MTAP: variants seen among roughly 807,000 people sequenced by gnomAD.
The protein encoded by MTAP is methylthioadenosine phosphorylase.
In MTAP, 33 loss-of-function variants were observed where a neutral mutation model predicts 33.6. The observed-to-expected ratio is 0.98, with a 90% CI of 0.74 to 1.31. The LOEUF is 1.31. MTAP is among the 40% of genes most tolerant of loss of function. MTAP has a pLI of 0.00. For synonymous variants in MTAP, 148 were observed against 125.7 expected, an observed-to-expected ratio of 1.18 and a Z score of -1.19; for missense variants, 367 against 360.0, an observed-to-expected ratio of 1.02 and a Z score of -0.16.
At chr9:21,932,643 A>G (rs564665261), downstream of MTAP, 1 of 151,666 alleles carries the variant, frequency 6.6e-6, no homozygotes, top group East Asian at 1.9e-4. Context: ...AATTAGCAGC[A>G]AGGACTTATT....
intron 1 of MTAP, among the ~76,000 whole-genome samples, chr9:21,881,156 G>T (rs778586196): frequency 4.3e-4 from 66 of 151,884 alleles, no homozygotes; most frequent in Non-Finnish European, 1.3e-4. Flanking sequence ...CACTCAACAG[G>T]CAAAAGACAG....
Position 21,893,735 on chromosome 9 carries a change from TC to T in MTAP, c.148-37271del, listed in dbSNP as rs1200968914. The T allele has an allele frequency of 5.3e-5, 8 of 151,864 alleles. No individual in the cohort carries two copies. In the East Asian group the frequency reaches 1.5e-3, roughly 29 times the overall value. The allele number at this position is 151,864 out of a possible 1,614,324, so 9.4% of individuals were successfully genotyped here. On this transcript the variant is annotated intron_variant, in intron 1 of 1. Coordinates refer to the MTAP transcript ENST00000577563. Reference sequence around the variant, plus strand: ...AACCCTGAACAGACCATTAATGAGTTCCAAAATTGAATCAGTAACAAAAACC... The same window carrying T: ...AACCCTGAACAGACCATTAATGAGTTCAAAATTGAATCAGTAACAAAAACC...
intron 1 of MTAP, among the ~76,000 whole-genome samples, chr9:21,918,733 GT>G (rs1818736043): frequency 6.6e-6 from 1 of 152,110 alleles, no homozygotes; most frequent in Non-Finnish European, 1.5e-5. Flanking sequence ...AGATCTGATG[GT>G]TTTATAAAGG....
In MTAP at chr9:21,862,158, C is replaced by G; in HGVS notation, c.*144C>G. ...AGAGTATGTTGTAAGAAAGACAAGA[C>G]ATTGTGTGTATTAGAGACTCCTGAA... On this transcript the variant is annotated 3_prime_UTR_variant, in exon 8 of 8. Transcript: ENST00000644715. The G allele has an allele frequency of 6.6e-7, 1 of 1,504,000 alleles. No homozygotes were observed. Among genetic ancestry groups the G allele is most frequent in the Non-Finnish European group, 8.8e-7 (1 of 1,130,160 alleles). The allele number at this position is 1,504,000 out of a possible 1,614,324, so 93.2% of individuals were successfully genotyped here.
intron 1 of MTAP, among the ~76,000 whole-genome samples, chr9:21,882,656 G>T (rs1818033837): frequency 6.6e-6 from 1 of 151,940 alleles, no homozygotes; most frequent in Admixed American, 6.6e-5. Context: ...CGTTTTATAT[G>T]CAATAATCAG....
chr9:21,840,761 A>G (rs6475588), intron 5 of MTAP, among the ~76,000 whole-genome samples: 36,530 of 152,108 alleles, frequency 0.24, 6,601 homozygotes, highest in African/African-American at 0.51. Context: ...GCAGAGTCCA[A>G]GGGACTAATG....
chr9:21,893,139 A>C (rs1047358593), intron 1 of MTAP: 7 of 152,296 alleles, frequency 4.6e-5, no homozygotes, highest in Non-Finnish European at 5.9e-5. Flanking sequence ...TAAGAGGAAA[A>C]TGTACAGTGC....
At chr9:21,834,677 C>T (rs886845854) in intron 4 of MTAP, among the ~76,000 whole-genome samples, 1 of 152,194 alleles carries the variant, frequency 6.6e-6, no homozygotes. Flanking sequence ...CATGTGAGGA[C>T]TCATGTGAAG....
At chr9:21,879,233 T>G (rs2118687255) in intron 1 of MTAP, among the ~76,000 whole-genome samples, 1 of 152,320 alleles carries the variant, frequency 6.6e-6, no homozygotes, top group South Asian at 2.1e-4. Flanking sequence ...ATCTAGGTGC[T>G]CCTGTGTTGG....
chr9:21,822,701 C>T (rs537163834), intron 4 of MTAP, among the ~76,000 whole-genome samples: 66 of 152,162 alleles, frequency 4.3e-4, no homozygotes, highest in African/African-American at 1.4e-3. Flanking sequence ...CTTTCTGTCT[C>T]GTTGATCTGT....
At chr9:21,927,296 C>T (rs549128937) in intron 1 of MTAP, among the ~76,000 whole-genome samples, 1 of 152,294 alleles carries the variant, frequency 6.6e-6, no homozygotes, top group South Asian at 2.1e-4. Flanking sequence ...GCTGCAGCAG[C>T]CCTTTTACCC....
At chr9:21,858,552 A>C (rs1373722551) in intron 6 of MTAP, among the ~76,000 whole-genome samples, 1 of 152,166 alleles carries the variant, frequency 6.6e-6, no homozygotes, top group East Asian at 1.9e-4. Context: ...GGTGCTGTAC[A>C]CTTTTAAACA....
chr9:21,802,995 C>CACACACACACACAT, intron 1 of MTAP: 1 of 697,912 alleles, frequency 1.4e-6, no homozygotes, highest in Non-Finnish European at 2.0e-6. Flanking sequence ...AACACACACA[C>CACACACACACACAT]ACACACACAC....
rs372472076 is a variant in MTAP at position 21,854,901 on chromosome 9, G to A, written c.690+31G>A. The A allele has an allele frequency of 2.0e-5, 33 of 1,610,786 alleles. No individual in the cohort carries two copies. The African/African-American group carries it at 3.7e-4, about 18-fold the overall frequency. ...TGGAATTCTTTTCTAAGCACATATAGCATGGGTTTCTGGGTGCCAATAGGG... is the reference window on the plus strand; with the variant it reads ...TGGAATTCTTTTCTAAGCACATATAACATGGGTTTCTGGGTGCCAATAGGG... On this transcript the variant is annotated intron_variant, in intron 6 of 7. Transcript: ENST00000644715.
rs754847337 is a variant in MTAP, at chr9:21,865,577, A to G, written c.*3563A>G. On this transcript the variant is annotated 3_prime_UTR_variant, in exon 8 of 8. Coordinates refer to ENST00000644715, the MANE Select transcript of MTAP (RefSeq NM_002451.4). ...GAAGAACCTGTGTTCTCCTCATAAT[A>G]GTATAGAATAATTCAAGATAGGCAA... is the stretch of plus-strand genomic sequence containing the variant. 9.1e-6 allele frequency: 9 copies of G among 985,920 alleles called. No individual in the cohort carries two copies. Among genetic ancestry groups the G allele is most frequent in the Non-Finnish European group, 1.1e-5 (9 of 829,986 alleles). The allele number at this position is 985,920 out of a possible 1,614,324, so 61.1% of individuals were successfully genotyped here.
At chr9:21,816,679 C>T in intron 2 of MTAP, 35 bp from the exon 3 acceptor site, 2 of 1,585,308 alleles carry the variant, frequency 1.3e-6, no homozygotes, top group East Asian at 2.2e-5. Context: ...GTTTTTAAAT[C>T]ACTGAGTTAA....
At chr9:21,903,230 A>T (rs1818420496) in intron 1 of MTAP, among the ~76,000 whole-genome samples, 1 of 152,172 alleles carries the variant, frequency 6.6e-6, no homozygotes, top group Non-Finnish European at 1.5e-5. Flanking sequence ...GCTGCCAGTG[A>T]GTCTGGGGGA....
chr9:21,818,190 A>C lies in MTAP; in HGVS notation c.335A>C (p.Gln112Pro). The C allele has an allele frequency of 6.2e-7, 1 of 1,613,924 alleles. No individual in the cohort carries two copies. Among genetic ancestry groups the C allele is most frequent in the East Asian group, 2.2e-5 (1 of 44,846 alleles). ...CCCGGCGATATTGTCATTATTGATC[A>C]GTTCATTGACAGGTAAGCAGTCATA... ...IQPGDIVIID[Q>P]FIDRTTMRPQ... Residue 112 changes from glutamine (Q) to proline (P), a missense_variant, in exon 4 of 8, where the codon CAG becomes CCG. By Grantham distance (76) the Gln-to-Pro change is moderately conservative. Transcript: ENST00000644715.
intron 1 of MTAP, among the ~76,000 whole-genome samples, chr9:21,876,859 G>A (rs984088906): frequency 6.6e-5 from 10 of 151,404 alleles, no homozygotes; most frequent in Admixed American, 2.6e-4. Flanking sequence ...TCTTTTTTTG[G>A]TTCCATGTGA....
Sources: allele counts gnomAD v4.1 joint callset (sites outside exome capture counted in the v4.1 genomes callset), GRCh38; gene constraint gnomAD v4.1.1; transcripts MANE v1.5; gene names NCBI Gene and HGNC (gene_info 2026-07-23, HGNC 2026-07-21).